Variants in DNMBP observed in about 807,000 individuals in gnomAD.
DNMBP encodes dynamin-binding protein.
DNMBP carries 87 observed loss-of-function variants against 150.0 expected under a neutral mutation model. That is an observed-to-expected ratio of 0.58 (90% confidence interval 0.49 to 0.69). DNMBP has a LOEUF of 0.69. DNMBP is among the 30% of genes least tolerant of loss of function. The pLI is 0.00. For synonymous variants in DNMBP, 711 were observed against 750.4 expected, an observed-to-expected ratio of 0.95 and a Z score of 0.86; for missense variants, 1,774 against 1,949.0, an observed-to-expected ratio of 0.91 and a Z score of 1.69.
chr10:99,905,692 CAT>C (rs769232787), intron 6 of DNMBP, among the ~76,000 whole-genome samples: 23 of 152,294 alleles, frequency 1.5e-4, no homozygotes, highest in Admixed American at 2.6e-4. Flanking sequence ...GTCTCAAAAA[CAT>C]GTGTGGCGGC....
At chr10:99,966,259 C>T (rs1303208510) in intron 3 of DNMBP, among the ~76,000 whole-genome samples, 1 of 152,314 alleles carries the variant, frequency 6.6e-6, no homozygotes, top group African/African-American at 2.4e-5. Context: ...GAGAGGAGAA[C>T]AAGATAAAAC....
chr10:99,949,544 A>C (rs2040396521), intron 4 of DNMBP, among the ~76,000 whole-genome samples: 1 of 152,180 alleles, frequency 6.6e-6, no homozygotes. Flanking sequence ...CCTTATGAGA[A>C]ATTGGCTGTT....
chr10:99,956,457 A>C lies in DNMBP; in HGVS notation c.1017T>G (p.His339Gln), dbSNP rs2040497416. 6.2e-7 allele frequency: 1 copy of C among 1,614,116 alleles called. No individual in the cohort carries two copies. The highest frequency in any genetic ancestry group is 2.2e-5 in the East Asian group (1 of 44,874). The change falls in exon 4 of 17, where the codon CAT becomes CAG. Residue 339 changes from histidine (H) to glutamine (Q), a missense_variant. Around this residue, in one of 2 missense-constraint regions of DNMBP, gnomAD observed 344 missense variants for 456.6 expected, o/e 0.75. Coordinates refer to ENST00000324109, the MANE Select transcript of DNMBP (RefSeq NM_015221.4). ...CCTCGGCCTCATGGTCACTGGTTTC[A>C]TGTCTTTGTTCCTCTACTCCTAAGG... ...ENTLGVEEQR[H>Q]ETSDHEAEEP... is the part of the protein sequence containing the mutation.
At chr10:99,971,212 C>T (rs2040673159) in intron 2 of DNMBP, among the ~76,000 whole-genome samples, 3 of 151,892 alleles carry the variant, frequency 2.0e-5, no homozygotes, top group Admixed American at 6.6e-5. Context: ...CAGAAATCTT[C>T]CCCTAACTGG....
At chr10:99,978,879 G>GT (rs1001608224) in intron 1 of DNMBP, among the ~76,000 whole-genome samples, 12 of 151,596 alleles carry the variant, frequency 7.9e-5, no homozygotes, top group East Asian at 3.9e-4. Context: ...CTGGCCAGCA[G>GT]TTTTTTTTTA....
At chr10:99,909,235 G>T in intron 4 of DNMBP, 89 bp from the exon 5 acceptor site, 1 of 989,632 alleles carries the variant, frequency 1.0e-6, no homozygotes, top group Non-Finnish European at 1.5e-6. Context: ...CATTTCCTGA[G>T]AACCAAAGGT....
chr10:99,896,118 A>G (rs2039648542), intron 10 of DNMBP, 149 bp downstream of exon 10: 1 of 835,828 alleles, frequency 1.2e-6, no homozygotes, highest in Non-Finnish European at 1.8e-6. Flanking sequence ...CTTTGTAACC[A>G]GCAGCTGGAG....
rs1258790792 is a variant in DNMBP, at chr10:99,898,255, G to GA, written c.2750_2751insT (p.Phe918LeufsTer30). Reference sequence around the variant, plus strand: ...CTCTCTGTACTGGTTTGATGAGGAAGGAGCCCAGGTTAATATAATTTGTGC... The same window carrying GA: ...CTCTCTGTACTGGTTTGATGAGGAAGAGAGCCCAGGTTAATATAATTTGTGC... On this transcript the variant is annotated frameshift_variant, in exon 9 of 17. Transcript: ENST00000324109. LOFTEE classifies it high-confidence loss of function. The GA allele has an allele frequency of 6.2e-7, 1 of 1,613,924 alleles. No homozygotes were observed. The highest frequency in any genetic ancestry group is 8.5e-7 in the Non-Finnish European group (1 of 1,179,916).
chr10:99,876,248 A>C lies in DNMBP; in HGVS notation c.*903T>G, dbSNP rs1450278902. 1.3e-5 allele frequency: 2 copies of C among 152,230 alleles called. No individual in the cohort carries two copies. The highest frequency in any genetic ancestry group is 2.9e-5 in the Non-Finnish European group (2 of 68,072). The allele number at this position is 152,230 out of a possible 1,614,324, so 9.4% of individuals were successfully genotyped here. ...GTCCAGGGCAGGGGGGCCACCAGAC[A>C]TCACAGACTGTGTAAAGACCATCAG... On this transcript the variant is annotated 3_prime_UTR_variant, in exon 17 of 17. Coordinates refer to ENST00000324109, the MANE Select transcript of DNMBP (RefSeq NM_015221.4).
At chr10:99,919,665 C>T (rs541217938) in intron 4 of DNMBP, among the ~76,000 whole-genome samples, 3 of 152,176 alleles carry the variant, frequency 2.0e-5, no homozygotes, top group South Asian at 4.1e-4. Flanking sequence ...TGGTGGCGTG[C>T]GCCACCAGCT....
intron 3 of DNMBP, among the ~76,000 whole-genome samples, chr10:99,961,866 G>C (rs1479414748): frequency 6.7e-6 from 1 of 149,026 alleles, no homozygotes; most frequent in Non-Finnish European, 1.5e-5. Flanking sequence ...AAAGACTTAT[G>C]CTTTCACCCC....
At chr10:99,897,927 TAAA>T (rs749355085) in intron 9 of DNMBP, 156 bp downstream of exon 9, 60 of 649,782 alleles carry the variant, frequency 9.2e-5, no homozygotes, top group Middle Eastern at 5.0e-4. Flanking sequence ...AAAATAATAA[TAAA>T]ATATCATATT....
chr10:99,990,743 A>C (rs1005313044), intron 1 of DNMBP, among the ~76,000 whole-genome samples: 2 of 143,814 alleles, frequency 1.4e-5, no homozygotes, highest in Admixed American at 1.4e-4. Flanking sequence ...ATATATATGC[A>C]CATGTATATA....
intron 3 of DNMBP, among the ~76,000 whole-genome samples, chr10:99,959,985 T>C (rs2040546611): frequency 6.6e-6 from 1 of 152,120 alleles, no homozygotes; most frequent in Admixed American, 6.6e-5. Flanking sequence ...TGAAAATATA[T>C]TATAATGAGA....
At chr10:99,902,619 T>TTAA (rs1554861573) in intron 6 of DNMBP, among the ~76,000 whole-genome samples, 1 of 125,208 alleles carries the variant, frequency 8.0e-6, no homozygotes, top group African/African-American at 3.0e-5. Context: ...TGCCTCCCTT[T>TTAA]AAAAAAAAAA....
At chr10:99,921,692 GA>G (rs36012766) in intron 4 of DNMBP, among the ~76,000 whole-genome samples, 60,140 of 140,402 alleles carry the variant, frequency 0.43, 13,745 homozygotes, top group South Asian at 0.6. Context: ...TGTCTCTACT[GA>G]AAAAAAAAAA....
intron 6 of DNMBP, among the ~76,000 whole-genome samples, chr10:99,905,676 G>C (rs946027794): frequency 2.0e-5 from 3 of 152,220 alleles, no homozygotes; most frequent in Admixed American, 6.5e-5. Flanking sequence ...AGCAGAGCAA[G>C]ACCTTGTCTC....
intron 6 of DNMBP, among the ~76,000 whole-genome samples, chr10:99,902,289 T>TG (rs1172954675): frequency 6.8e-6 from 1 of 148,148 alleles, no homozygotes; most frequent in Non-Finnish European, 1.5e-5. Context: ...CCTTTCTCAC[T>TG]GGAAGCCTCC....
chr10:99,915,054 A>G, intron 4 of DNMBP, among the ~76,000 whole-genome samples: 1 of 145,564 alleles, frequency 6.9e-6, no homozygotes, highest in Admixed American at 7.2e-5. Context: ...AGATCGTACC[A>G]TTGCACTCCA....
Sources: allele counts gnomAD v4.1 joint callset (sites outside exome capture counted in the v4.1 genomes callset), GRCh38; gene constraint gnomAD v4.1.1; regional missense constraint gnomAD v4.1.1; transcripts MANE v1.5; gene names NCBI Gene and HGNC (gene_info 2026-07-23, HGNC 2026-07-21).